Variants in KHDRBS2 observed in about 807,000 individuals in gnomAD.
KHDRBS2 encodes KH RNA binding domain containing, signal transduction associated 2.
KHDRBS2 carries 26 observed loss-of-function variants against 44.3 expected under a neutral mutation model. The observed-to-expected ratio is 0.59, with a 90% CI of 0.43 to 0.81. The LOEUF is 0.81. Ranked by LOEUF, KHDRBS2 falls within the 40% of genes least tolerant of loss-of-function variation. The pLI, the probability that KHDRBS2 is intolerant of heterozygous loss-of-function variation, is 0.00. For synonymous variants in KHDRBS2, 194 were observed against 151.1 expected (o/e 1.28, Z -2.08); for missense variants, 476 against 433.1 (o/e 1.10, Z -0.88).
At chr6:62,135,515 ATAC>A (rs1811324548) in intron 2 of KHDRBS2, among the ~76,000 whole-genome samples, 1 of 152,190 alleles carries the variant, frequency 6.6e-6, no homozygotes, top group Non-Finnish European at 1.5e-5. Context: ...TGACCCACGT[ATAC>A]CTCTTCTGTG....
At chr6:62,147,478 T>C (rs1814199728) in intron 2 of KHDRBS2, among the ~76,000 whole-genome samples, 1 of 151,892 alleles carries the variant, frequency 6.6e-6, no homozygotes, top group Non-Finnish European at 1.5e-5. Flanking sequence ...CTTTGTTCAG[T>C]TTCCTCAGTA....
At chr6:62,037,671 C>T (rs1429211645) in intron 3 of KHDRBS2, among the ~76,000 whole-genome samples, 1 of 151,834 alleles carries the variant, frequency 6.6e-6, no homozygotes, top group Non-Finnish European at 1.5e-5. Context: ...TAAATTAAGG[C>T]TCACATTTTG....
At chr6:61,839,652 T>A (rs1488711350) in intron 6 of KHDRBS2, among the ~76,000 whole-genome samples, 2 of 151,944 alleles carry the variant, frequency 1.3e-5, no homozygotes, top group Non-Finnish European at 2.9e-5. Context: ...GATAATATCA[T>A]CAGCAAAAAA....
intron 4 of KHDRBS2, among the ~76,000 whole-genome samples, chr6:61,976,508 A>G (rs1583909296): frequency 6.6e-6 from 1 of 151,910 alleles, no homozygotes; most frequent in East Asian, 1.9e-4. Context: ...TCAATTAATA[A>G]CTATGCAGAA....
At chr6:61,911,598 G>A (rs896843580) in intron 4 of KHDRBS2, among the ~76,000 whole-genome samples, 13 of 151,980 alleles carry the variant, frequency 8.6e-5, no homozygotes, top group Non-Finnish European at 1.5e-4. Flanking sequence ...AGTGGCTGCT[G>A]CTTTTTGTTT....
chr6:61,705,201 A>G (rs1222131664), intron 7 of KHDRBS2, among the ~76,000 whole-genome samples: 3 of 151,824 alleles, frequency 2.0e-5, no homozygotes, highest in Admixed American at 6.6e-5. Context: ...AAGAGAACCT[A>G]TATCCATTAT....
At chr6:61,772,260 C>G (rs961792341) in intron 6 of KHDRBS2, among the ~76,000 whole-genome samples, 1 of 152,050 alleles carries the variant, frequency 6.6e-6, no homozygotes, top group African/African-American at 2.4e-5. Flanking sequence ...ATTAAAGGAA[C>G]TAGAAAAGCA....
intron 6 of KHDRBS2, among the ~76,000 whole-genome samples, chr6:61,891,666 T>C (rs1325699693): frequency 6.6e-6 from 1 of 152,126 alleles, no homozygotes; most frequent in Non-Finnish European, 1.5e-5. Context: ...ATTATCTCAA[T>C]AGTTGCAGAA....
At chr6:61,972,449 C>G (rs1036290280) in intron 4 of KHDRBS2, among the ~76,000 whole-genome samples, 10 of 152,050 alleles carry the variant, frequency 6.6e-5, no homozygotes, top group African/African-American at 2.4e-4. Flanking sequence ...TATTTCTGAG[C>G]AACTAATAAT....
intron 4 of KHDRBS2, among the ~76,000 whole-genome samples, chr6:61,961,545 T>C (rs759286706): frequency 6.6e-6 from 1 of 151,966 alleles, no homozygotes; most frequent in Admixed American, 6.6e-5. Context: ...ATGTTTTAAG[T>C]AGGGTTGTTG....
At chr6:61,972,028 T>G (rs566634050) in intron 4 of KHDRBS2, among the ~76,000 whole-genome samples, 28 of 152,286 alleles carry the variant, frequency 1.8e-4, no homozygotes, top group African/African-American at 6.3e-4. Context: ...TTTCCAATTC[T>G]TATCTCAGAT....
the KHDRBS2 span, chr6:61,658,972 A>T: frequency 2.0e-5 from 3 of 151,866 alleles, no homozygotes; most frequent in Non-Finnish European, 4.4e-5. Flanking sequence ...GATATTCTTT[A>T]TACAGTCGTG....
At chr6:61,959,202 A>C (rs1768088245) in intron 4 of KHDRBS2, among the ~76,000 whole-genome samples, 1 of 152,212 alleles carries the variant, frequency 6.6e-6, no homozygotes, top group Non-Finnish European at 1.5e-5. Flanking sequence ...GATTGTTAAG[A>C]ATAGAAAATA....
intron 6 of KHDRBS2, among the ~76,000 whole-genome samples, chr6:61,890,633 G>A (rs772483193): frequency 2.0e-5 from 3 of 152,116 alleles, no homozygotes; most frequent in Non-Finnish European, 2.9e-5. Context: ...TAGTGACAAC[G>A]TACATAAAGA....
At chr6:62,275,627 G>T (rs543238117) in intron 1 of KHDRBS2, among the ~76,000 whole-genome samples, 46 of 152,144 alleles carry the variant, frequency 3.0e-4, no homozygotes, top group African/African-American at 1.0e-3. Context: ...TTATTTTAAA[G>T]GAAACAACAA....
intron 2 of KHDRBS2, among the ~76,000 whole-genome samples, chr6:62,080,293 A>G: frequency 6.6e-6 from 1 of 152,116 alleles, no homozygotes; most frequent in Non-Finnish European, 1.5e-5. Context: ...ACAGCCTATG[A>G]TGCACAAACC....
chr6:61,579,612 G>T, the KHDRBS2 span, among the ~76,000 whole-genome samples: 1 of 152,186 alleles, frequency 6.6e-6, no homozygotes, highest in Non-Finnish European at 1.5e-5. Context: ...AAGCCGCAAA[G>T]TTGGCAGGGT....
chr6:61,752,878 A>G (rs1430743247), intron 6 of KHDRBS2, among the ~76,000 whole-genome samples: 1 of 152,110 alleles, frequency 6.6e-6, no homozygotes, highest in Non-Finnish European at 1.5e-5. Flanking sequence ...ATGTAGTCAG[A>G]GCAGGCTTTC....
intron 1 of KHDRBS2, among the ~76,000 whole-genome samples, chr6:62,243,975 T>C (rs538264897): frequency 1.4e-4 from 22 of 152,316 alleles, no homozygotes; most frequent in Middle Eastern, 3.4e-3. Context: ...GTATATCAAG[T>C]ATTATTTTCC....
Sources: allele counts gnomAD v4.1 joint callset (sites outside exome capture counted in the v4.1 genomes callset), GRCh38; gene constraint gnomAD v4.1.1; transcripts MANE v1.5; gene names NCBI Gene and HGNC (gene_info 2026-07-23, HGNC 2026-07-21).